Variants in ADAM10 observed in about 807,000 individuals in gnomAD.
ADAM10 encodes the protein disintegrin and metalloproteinase domain-containing protein 10.
In ADAM10, 17 loss-of-function variants were observed where a neutral mutation model predicts 90.1. The ratio of observed to expected loss-of-function variants is 0.19; its 90% confidence interval spans 0.13 to 0.28. ADAM10 has a LOEUF of 0.28. Among genes scored for constraint, ADAM10 ranks in the 10% least tolerant of loss-of-function variants. The pLI, the probability that ADAM10 is intolerant of heterozygous loss-of-function variation, is 1.00. For missense variants in ADAM10, 610 were observed against 914.3 expected (o/e 0.67, Z 4.29); for synonymous variants, 310 against 298.6 (o/e 1.04, Z -0.40).
At chr15:58,665,838 G>T (rs1897069208) in intron 4 of ADAM10, among the ~76,000 whole-genome samples, 1 of 151,900 alleles carries the variant, frequency 6.6e-6, no homozygotes, top group African/African-American at 2.4e-5. Context: ...CTTACTGTCA[G>T]TCTCTCTGAC....
intron 1 of ADAM10, among the ~76,000 whole-genome samples, chr15:58,743,229 T>C (rs1312752253): frequency 2.0e-5 from 3 of 152,154 alleles, no homozygotes; most frequent in Admixed American, 6.5e-5. Context: ...TTGAAATCAC[T>C]ATGTGTTTTT....
chr15:58,630,912 G>A (rs910542788), intron 9 of ADAM10, among the ~76,000 whole-genome samples: 1 of 152,154 alleles, frequency 6.6e-6, no homozygotes, highest in Non-Finnish European at 1.5e-5. Flanking sequence ...AACAAGAGAG[G>A]TCTGGGTCAT....
rs560006329 is a variant in ADAM10 at position 58,690,935 on chromosome 15, C to G, written c.207-8621G>C. 7.9e-5 allele frequency among the ~76,000 whole-genome samples: 12 copies of G among 152,286 alleles called. 2 individuals are homozygous for G. The South Asian group carries it at 1.7e-3, about 21-fold the overall frequency. ...GTGTGGTTTCAAACAGCAGCACCAC[C>G]GGGTCACTGACAGCCTCGTTGTTCT... is the stretch of plus-strand genomic sequence containing the variant. On this transcript the variant is annotated intron_variant, in intron 2 of 15. Transcript: ENST00000260408.
chr15:58,631,163 T>C (rs978008133), intron 9 of ADAM10, among the ~76,000 whole-genome samples: 16 of 152,114 alleles, frequency 1.1e-4, no homozygotes, highest in African/African-American at 3.9e-4. Context: ...AGAAGCTGAG[T>C]AGATGCCAGC....
At chr15:58,746,033 GC>G (rs1291591836) in intron 1 of ADAM10, among the ~76,000 whole-genome samples, 1 of 152,192 alleles carries the variant, frequency 6.6e-6, no homozygotes, top group Non-Finnish European at 1.5e-5. Flanking sequence ...CCACCTTTGA[GC>G]TAATGTATGA....
At chr15:58,708,469 C>G (rs1340190369) in intron 2 of ADAM10, among the ~76,000 whole-genome samples, 3 of 152,050 alleles carry the variant, frequency 2.0e-5, no homozygotes, top group Non-Finnish European at 2.9e-5. Flanking sequence ...CGAGACCGGC[C>G]CGGGCAACAC....
At chr15:58,718,861 C>G (rs184422951) in intron 1 of ADAM10, among the ~76,000 whole-genome samples, 20 of 152,238 alleles carry the variant, frequency 1.3e-4, no homozygotes, top group Admixed American at 1.2e-3. Context: ...CTCCCCTGAC[C>G]CTCAGCTTCA....
chr15:58,734,705 T>TA lies in ADAM10; in HGVS notation c.55+14774dup, dbSNP rs1217294864. ...ACAAAGTGAGACCCTGTCTCAAAAT[T>TA]AAAAAAAAAAAAAACTGAAAAGAAA... is the stretch of plus-strand genomic sequence containing the variant. On this transcript the variant is annotated intron_variant, in intron 1 of 15. Coordinates refer to ENST00000260408, the MANE Select transcript of ADAM10 (RefSeq NM_001110.4). 4.0e-3 allele frequency among the ~76,000 whole-genome samples: 481 copies of TA among 119,954 alleles called. 1 individual carries two copies. The highest frequency in any genetic ancestry group is 4.7e-3 in the African/African-American group (152 of 32,024). The allele number at this position is 119,954 out of a possible 152,430, so 78.7% of individuals were successfully genotyped here.
chr15:58,669,804 T>C (rs1897154929), intron 4 of ADAM10, among the ~76,000 whole-genome samples: 1 of 152,190 alleles, frequency 6.6e-6, no homozygotes, highest in South Asian at 2.1e-4. Flanking sequence ...AAAAAGTTAT[T>C]AACTTTTAAT....
At chr15:58,649,871 C>T (rs1256091090) in intron 5 of ADAM10, among the ~76,000 whole-genome samples, 1 of 152,156 alleles carries the variant, frequency 6.6e-6, no homozygotes, top group African/African-American at 2.4e-5. Context: ...CTGTCCTTGA[C>T]TCTCCATTTT....
At chr15:58,621,783 AGG>A (rs1242107227) in intron 10 of ADAM10, among the ~76,000 whole-genome samples, 162 bp from the exon 11 acceptor site, 2 of 152,228 alleles carry the variant, frequency 1.3e-5, no homozygotes, top group African/African-American at 2.4e-5. Flanking sequence ...TAATTCTAAC[AGG>A]GGGTCTGCTA....
intron 1 of ADAM10, among the ~76,000 whole-genome samples, chr15:58,742,926 G>C (rs561451104): frequency 5.3e-5 from 8 of 152,242 alleles, no homozygotes; most frequent in Admixed American, 2.6e-4. Flanking sequence ...AGGCATGGTG[G>C]CGTGTGCCTG....
intron 11 of ADAM10, among the ~76,000 whole-genome samples, chr15:58,612,624 C>A (rs776862092): frequency 6.6e-5 from 10 of 152,164 alleles, no homozygotes; most frequent in Non-Finnish European, 1.5e-4. Flanking sequence ...AGGGTCTAGA[C>A]TCACCACCAC....
intron 11 of ADAM10, among the ~76,000 whole-genome samples, chr15:58,612,900 A>T (rs1307966587): frequency 1.3e-5 from 2 of 152,192 alleles, no homozygotes; most frequent in African/African-American, 2.4e-5. Flanking sequence ...ATGCACTGCA[A>T]GACACAAGTA....
intron 5 of ADAM10, among the ~76,000 whole-genome samples, chr15:58,658,409 A>G (rs760423497): frequency 3.3e-5 from 5 of 152,318 alleles, no homozygotes; most frequent in Non-Finnish European, 7.4e-5. Flanking sequence ...ACTTTATACT[A>G]AGTCTTAAAA....
intron 1 of ADAM10, among the ~76,000 whole-genome samples, chr15:58,737,382 C>A (rs984165976): frequency 3.9e-5 from 6 of 152,072 alleles, no homozygotes; most frequent in Non-Finnish European, 8.8e-5. Context: ...CTATAAAGAA[C>A]CTGACTGACT....
intron 2 of ADAM10, among the ~76,000 whole-genome samples, chr15:58,693,544 T>C (rs1897889378): frequency 6.6e-6 from 1 of 152,150 alleles, no homozygotes; most frequent in Admixed American, 6.5e-5. Flanking sequence ...GTGAAAAATA[T>C]TACCCTTGAC....
Position 58,593,752 on chromosome 15 carries a change from C to T in ADAM10, c.*3795G>A, listed in dbSNP as rs1468005298. 1.3e-5 allele frequency: 2 copies of T among 152,134 alleles called. No individual in the cohort carries two copies. Among genetic ancestry groups the T allele is most frequent in the African/African-American group, 4.8e-5 (2 of 41,416 alleles). The allele number at this position is 152,134 out of a possible 1,614,324, so 9.4% of individuals were successfully genotyped here. A position where few individuals can be genotyped will look rare whatever the true frequency, so the allele number is the denominator to read the frequency against. On this transcript the variant is annotated 3_prime_UTR_variant, in exon 16 of 16. Transcript: ENST00000260408. ...CTCAATGCTCCGTTTTACCTAGCAT[C>T]CTGTTGCTTTTTATAGAAGAGATGC... is the stretch of plus-strand genomic sequence containing the variant.
intron 2 of ADAM10, chr15:58,686,350 C>A: frequency 1.4e-6 from 1 of 707,930 alleles, no homozygotes; most frequent in South Asian, 1.7e-5. Flanking sequence ...AAGGCTACTT[C>A]AAACCTATCC....
Sources: gnomAD v4.1 joint callset for allele counts (sites outside exome capture counted in the v4.1 genomes callset) on GRCh38, gnomAD v4.1.1 for gene constraint, MANE v1.5 for transcripts, NCBI Gene and HGNC (gene_info 2026-07-23, HGNC 2026-07-21) for gene names.